Variants in RIPOR2 observed in about 807,000 individuals in gnomAD.
The protein encoded by RIPOR2 is RHO family interacting cell polarization regulator 2, also known as rho family-interacting cell polarization regulator 2.
A neutral mutation model predicts 114.5 loss-of-function variants in RIPOR2; 39 were observed. The ratio of observed to expected loss-of-function variants is 0.34; its 90% CI spans 0.26 to 0.44. The LOEUF (loss-of-function observed/expected upper bound fraction) is 0.44, where lower values mean the gene tolerates loss of function less well. Ranked by LOEUF, RIPOR2 falls within the 20% of genes least tolerant of loss-of-function variation. The pLI, the probability that RIPOR2 is intolerant of heterozygous loss-of-function variation, is 1.00. For missense variants in RIPOR2, 1,007 were observed against 1,255.1 expected, an observed-to-expected ratio of 0.80 and a Z score of 2.99; for synonymous variants, 445 against 484.4, an observed-to-expected ratio of 0.92 and a Z score of 1.07.
At chr6:24,936,331 T>A (rs1771806821), upstream of RIPOR2, among the ~76,000 whole-genome samples, 1 of 152,244 alleles carries the variant, frequency 6.6e-6, no homozygotes, top group African/African-American at 2.4e-5. Context: ...TTGCTTCAAT[T>A]ACAATTTATC....
intron 1 of RIPOR2, among the ~76,000 whole-genome samples, chr6:24,945,936 T>C (rs1772382173): frequency 6.6e-6 from 1 of 152,070 alleles, no homozygotes; most frequent in Non-Finnish European, 1.5e-5. Flanking sequence ...AATTCCTGTC[T>C]CACTGTAGCA....
At chr6:24,980,102 G>C (rs1250763910) in intron 1 of RIPOR2, among the ~76,000 whole-genome samples, 1 of 152,178 alleles carries the variant, frequency 6.6e-6, no homozygotes, top group African/African-American at 2.4e-5. Context: ...TCTTAGATAG[G>C]CTCCTCAGCC....
intron 1 of RIPOR2, among the ~76,000 whole-genome samples, chr6:24,917,281 T>C (rs1175502160): frequency 1.3e-5 from 2 of 152,218 alleles, no homozygotes; most frequent in Non-Finnish European, 1.5e-5. Context: ...CATGAGTCTT[T>C]AGTTCACATT....
At chr6:24,947,707 G>A (rs979484714) in intron 1 of RIPOR2, among the ~76,000 whole-genome samples, 3 of 151,648 alleles carry the variant, frequency 2.0e-5, no homozygotes, top group African/African-American at 4.9e-5. Context: ...TAAAGGATGG[G>A]GAGGAGAAGG....
At chr6:24,893,003 C>G (rs1048123911) in intron 1 of RIPOR2, among the ~76,000 whole-genome samples, 2 of 152,074 alleles carry the variant, frequency 1.3e-5, no homozygotes, top group South Asian at 4.1e-4. Flanking sequence ...CTGACTCCAG[C>G]GTGGGCAACA....
At chr6:24,823,172 T>G (rs1347992357) in intron 19 of RIPOR2, among the ~76,000 whole-genome samples, 3 of 152,214 alleles carry the variant, frequency 2.0e-5, no homozygotes, top group Admixed American at 2.0e-4. Flanking sequence ...GGGTTTACAG[T>G]GACACCAGCT....
In RIPOR2 at chr6:25,013,569, A is replaced by G. The variant is rs549130508; in HGVS notation, c.76+28282T>C. 3.3e-5 allele frequency among the ~76,000 whole-genome samples: 5 copies of G among 152,264 alleles called. No homozygotes were observed. In the East Asian group the frequency reaches 9.6e-4, roughly 29 times the overall value. ...CCAGTTTTACAAATAGACACTGAAC[A>G]CCTGAATTTTTTTTCATGCAAAATC... On this transcript the variant is annotated intron_variant, in intron 1 of 13. Coordinates refer to the RIPOR2 transcript ENST00000510784.
intron 19 of RIPOR2, among the ~76,000 whole-genome samples, chr6:24,824,979 T>C (rs1760026949): frequency 6.6e-6 from 1 of 152,194 alleles, no homozygotes. Flanking sequence ...TTTTAAAAAT[T>C]ATGTATGTTA....
chr6:24,944,690 T>G (rs994897828), intron 1 of RIPOR2, among the ~76,000 whole-genome samples: 12 of 152,060 alleles, frequency 7.9e-5, no homozygotes, highest in African/African-American at 2.9e-4. Flanking sequence ...AATCTATAAA[T>G]CTAAGAAGCT....
In RIPOR2 at chr6:24,962,997, TG is replaced by T. The variant is rs1773370905; in HGVS notation, c.76+78853del. On this transcript the variant is annotated intron_variant, in intron 1 of 13. Coordinates refer to the RIPOR2 transcript ENST00000510784. ...GTTCTCCTGTGTCTATCCCTTTCTTTGATTGGCTACGCAAACCACAGCAGAG... is the reference window on the plus strand; with the variant it reads ...GTTCTCCTGTGTCTATCCCTTTCTTTATTGGCTACGCAAACCACAGCAGAG... 5.9e-5 allele frequency among the ~76,000 whole-genome samples: 9 copies of T among 152,316 alleles called. No homozygotes were observed. The South Asian group carries it at 1.9e-3, about 32-fold the overall frequency.
At chr6:24,910,832 T>C in intron 1 of RIPOR2, 1 of 985,422 alleles carries the variant, frequency 1.0e-6, no homozygotes, top group East Asian at 1.1e-4. Flanking sequence ...CGACGACGGC[T>C]CCTTGTCATG....
At chr6:24,860,095 A>T (rs962560188) in intron 8 of RIPOR2, among the ~76,000 whole-genome samples, 3 of 152,208 alleles carry the variant, frequency 2.0e-5, no homozygotes, top group African/African-American at 7.2e-5. Context: ...CTGTGGTTTA[A>T]CTCAATAATG....
At chr6:24,821,722 T>A (rs1270511762) in intron 19 of RIPOR2, among the ~76,000 whole-genome samples, 10 of 152,184 alleles carry the variant, frequency 6.6e-5, no homozygotes. Flanking sequence ...AGTGGGCAGC[T>A]ACACAGGGAC....
At chr6:24,840,028 C>T (rs1276235445) in intron 13 of RIPOR2, 5 of 849,534 alleles carry the variant, frequency 5.9e-6, no homozygotes, top group Non-Finnish European at 5.6e-6. Flanking sequence ...CAGCTCACTG[C>T]AGCCTCAATC....
chr6:25,031,723 ATATATATATATATATATATATATATAT>A (rs1195913239), intron 1 of RIPOR2, among the ~76,000 whole-genome samples: 4 of 105,630 alleles, frequency 3.8e-5, no homozygotes, highest in Non-Finnish European at 7.5e-5. Flanking sequence ...ATATATATAT[ATATATATATATATATATATATATATAT>A]AAAATATCCA....
intron 12 of RIPOR2, among the ~76,000 whole-genome samples, chr6:24,844,172 G>A (rs1267471274): frequency 2.0e-5 from 3 of 152,160 alleles, no homozygotes; most frequent in Admixed American, 2.0e-4. Flanking sequence ...ACTAATAAAT[G>A]GAACATCAAT....
intron 1 of RIPOR2, among the ~76,000 whole-genome samples, chr6:25,008,053 A>AT (rs561291414): frequency 1.2e-3 from 188 of 152,256 alleles, no homozygotes; most frequent in African/African-American, 4.4e-3. Context: ...AACTATTTTT[A>AT]TTAAAATCAG....
At chr6:24,989,384 C>T (rs1774686097) in intron 1 of RIPOR2, among the ~76,000 whole-genome samples, 1 of 151,770 alleles carries the variant, frequency 6.6e-6, no homozygotes, top group Admixed American at 6.6e-5. Flanking sequence ...CAACCTCCGC[C>T]TCCTGGGTTT....
In RIPOR2 at chr6:24,875,803, G is replaced by A; in HGVS notation, c.76C>T (p.Leu26Phe). The change falls in exon 2 of 22, where the codon CTC becomes TTC. Residue 26 changes from leucine to phenylalanine, a missense_variant. Leu to Phe is a conservative substitution (Grantham distance 22). Transcript: ENST00000643898. Reference sequence around the variant, plus strand: ...GATCCTACCAACATGATTTCCGGGAGTCTGGTCGGTAGTCCTAGAAGACAG... The same window carrying A: ...GATCCTACCAACATGATTTCCGGGAATCTGGTCGGTAGTCCTAGAAGACAG... ...DVFGEGLPTR[L>F]PEIMLVGSQS... is the part of the protein sequence containing the mutation. 6.2e-7 allele frequency: 1 copy of A among 1,610,850 alleles called. No individual in the cohort carries two copies. The highest frequency in any genetic ancestry group is 8.5e-7 in the Non-Finnish European group (1 of 1,178,456).
Sources: allele counts gnomAD v4.1 joint callset (sites outside exome capture counted in the v4.1 genomes callset), GRCh38; gene constraint gnomAD v4.1.1; transcripts MANE v1.5; gene names NCBI Gene and HGNC (gene_info 2026-07-23, HGNC 2026-07-21).